SREK1: variants seen among roughly 807,000 people sequenced by gnomAD.
SREK1 encodes the protein splicing regulatory glutamine/lysine-rich protein 1.
In SREK1, 13 loss-of-function variants were observed where a neutral mutation model predicts 66.5. That is an observed-to-expected ratio of 0.20 (90% CI 0.13 to 0.31). SREK1 has a LOEUF of 0.31. SREK1 is among the 10% of genes least tolerant of loss of function. The pLI, the probability that SREK1 is intolerant of heterozygous loss-of-function variation, is 1.00. For synonymous variants in SREK1, 265 were observed against 263.5 expected, an observed-to-expected ratio of 1.01 and a Z score of -0.05; for missense variants, 607 against 769.6, an observed-to-expected ratio of 0.79 and a Z score of 2.50.
chr5:66,166,275 T>C (rs1291519463), intron 7 of SREK1: 1 of 152,216 alleles, frequency 6.6e-6, no homozygotes, highest in Non-Finnish European at 1.5e-5. Flanking sequence ...TGAGGAAGAC[T>C]GATGACCTGG....
At chr5:66,165,471 AG>A (rs1409127821) in intron 7 of SREK1, 1 of 152,518 alleles carries the variant, frequency 6.6e-6, no homozygotes, top group Admixed American at 6.5e-5. Flanking sequence ...CTTCAGTTTT[AG>A]TACTTTGCTT....
chr5:66,175,493 A>G (rs1278997198), intron 10 of SREK1, among the ~76,000 whole-genome samples: 1 of 152,126 alleles, frequency 6.6e-6, no homozygotes, highest in African/African-American at 2.4e-5. Flanking sequence ...ACTAGGCTAC[A>G]GTAGAAGGGG....
At chr5:66,145,978 G>C (rs1389571468) in intron 1 of SREK1, among the ~76,000 whole-genome samples, 1 of 151,322 alleles carries the variant, frequency 6.6e-6, no homozygotes. Context: ...TATAGATGAG[G>C]TATATAGAGA....
chr5:66,146,829 A>G (rs1743276375), intron 1 of SREK1, among the ~76,000 whole-genome samples: 1 of 152,334 alleles, frequency 6.6e-6, no homozygotes, highest in East Asian at 1.9e-4. Context: ...AGAAATTTAA[A>G]TTGTTTTAAA....
At chr5:66,176,978 A>G (rs369381576) in intron 10 of SREK1, among the ~76,000 whole-genome samples, 7 of 152,178 alleles carry the variant, frequency 4.6e-5, no homozygotes, top group East Asian at 3.9e-4. Context: ...GATGCAGGCC[A>G]TGTTTGTATT....
At chr5:66,170,514 A>G in intron 8 of SREK1, 71 bp from the exon 9 acceptor site, 2 of 1,504,662 alleles carry the variant, frequency 1.3e-6, no homozygotes, top group Non-Finnish European at 1.8e-6. Context: ...GTAATTGTTG[A>G]AGAGAGAGAG....
intron 10 of SREK1, among the ~76,000 whole-genome samples, chr5:66,176,258 G>A (rs1171195684): frequency 6.6e-6 from 1 of 152,050 alleles, no homozygotes; most frequent in African/African-American, 2.4e-5. Context: ...CTATTTCTGG[G>A]TCTTCTGTGC....
chr5:66,170,880 A>G lies in SREK1; in HGVS notation c.1417A>G (p.Lys473Glu). The G allele has an allele frequency of 6.2e-7, 1 of 1,613,690 alleles. No individual in the cohort carries two copies. The highest frequency in any genetic ancestry group is 1.7e-5 in the Admixed American group (1 of 59,948). Reference sequence around the variant, plus strand: ...CAAAGAGATAGATGAAAAAAGAAAGAAGGATAAAAAATCCAGAACACCACC... The same window carrying G: ...CAAAGAGATAGATGAAAAAAGAAAGGAGGATAAAAAATCCAGAACACCACC... ...RSKEIDEKRK[K>E]DKKSRTPPRS... is the part of the protein sequence containing the mutation. The change falls in exon 9 of 12, where the codon AAG becomes GAG. Residue 473 changes from lysine to glutamate, a missense_variant. Around this residue, in one of 5 missense-constraint regions of SREK1, gnomAD observed 318 missense variants for 310.3 expected, o/e 1.02. Transcript: ENST00000334121.
At chr5:66,155,944 A>G (rs1744252859) in intron 2 of SREK1, 3 of 1,405,136 alleles carry the variant, frequency 2.1e-6, no homozygotes, top group South Asian at 1.3e-5. Context: ...ACGGTCAAAC[A>G]TAACAAGGGT....
At chr5:66,146,005 T>C (rs1580607579) in intron 1 of SREK1, among the ~76,000 whole-genome samples, 1 of 151,902 alleles carries the variant, frequency 6.6e-6, no homozygotes, top group Non-Finnish European at 1.5e-5. Flanking sequence ...TATATATATA[T>C]CTTTATATTC....
chr5:66,159,949 T>C (rs11744060), intron 3 of SREK1, among the ~76,000 whole-genome samples: 3 of 152,076 alleles, frequency 2.0e-5, no homozygotes, highest in Non-Finnish European at 4.4e-5. Context: ...GCTAACACAG[T>C]GAAACCCCGT....
intron 2 of SREK1, 24 bp downstream of exon 2, chr5:66,153,620 C>CTCT: frequency 6.2e-7 from 1 of 1,613,582 alleles, no homozygotes; most frequent in Non-Finnish European, 8.5e-7. Flanking sequence ...TTTTTTTCCT[C>CTCT]TTATTTGAAT....
At chr5:66,146,742 A>G (rs535914791) in intron 1 of SREK1, among the ~76,000 whole-genome samples, 1 of 152,352 alleles carries the variant, frequency 6.6e-6, no homozygotes, top group African/African-American at 2.4e-5. Flanking sequence ...TACAAAATGC[A>G]ATAGTAGTAG....
At chr5:66,146,850 T>C (rs1049920642) in intron 1 of SREK1, among the ~76,000 whole-genome samples, 3 of 152,214 alleles carry the variant, frequency 2.0e-5, no homozygotes, top group Non-Finnish European at 2.9e-5. Context: ...ATTGGAAATA[T>C]ATTTATTTTC....
At chr5:66,164,608 G>A (rs1278433866) in intron 6 of SREK1, 175 bp from the exon 7 acceptor site, 1 of 1,531,622 alleles carries the variant, frequency 6.5e-7, no homozygotes, top group Admixed American at 2.0e-5. Context: ...ACTGCTGCAG[G>A]GTGGCTGCAC....
At position 66,181,344 on chromosome 5, in the gene SREK1, C is replaced by T. The variant is rs187829356; in HGVS notation, c.*2476C>T. 1,349 of 152,242 alleles carry T rather than the reference C, an allele frequency of 8.9e-3. 18 individuals are homozygous for T. Among genetic ancestry groups the T allele is most frequent in the African/African-American group, 0.027 (1,141 of 41,546 alleles). The allele number at this position is 152,242 out of a possible 1,614,324, so 9.4% of individuals were successfully genotyped here. ...CACGTGTGTATCTGTTTGAGACATA[C>T]TTTCTCTGTTCACTTAAAAGAGCTC... On this transcript the variant is annotated 3_prime_UTR_variant, in exon 12 of 12. Transcript: ENST00000334121.
intron 10 of SREK1, among the ~76,000 whole-genome samples, chr5:66,175,397 T>G (rs573502475): frequency 6.6e-6 from 1 of 152,192 alleles, no homozygotes; most frequent in South Asian, 2.1e-4. Context: ...TTTTTGTCAC[T>G]TAACTTACCA....
rs1320129331 is a variant in SREK1 at position 66,152,645 on chromosome 5, A to T, written c.162-818A>T. On this transcript the variant is annotated intron_variant, in intron 1 of 11. Coordinates refer to ENST00000334121, the MANE Select transcript of SREK1 (RefSeq NM_001077199.3). The stretch of plus-strand genomic sequence containing the variant: ...TCTTAAATGTTTCAAATAGATTTTA[A>T]TATAAAATCTATGTTACAGATTACG... Among the ~76,000 whole-genome samples the T allele has an allele frequency of 3.3e-5, 5 of 152,206 alleles. No individual in the cohort carries two copies. In the East Asian group the frequency reaches 9.6e-4, roughly 29 times the overall value.
intron 1 of SREK1, 106 bp downstream of exon 1, chr5:66,144,643 G>GA (rs1247506900): frequency 2.8e-6 from 4 of 1,433,800 alleles, no homozygotes; most frequent in Non-Finnish European, 3.7e-6. Flanking sequence ...CATGTCACGT[G>GA]ATCGCGCCGG....
Sources: gnomAD v4.1 joint callset for allele counts (sites outside exome capture counted in the v4.1 genomes callset) on GRCh38, gnomAD v4.1.1 for gene constraint, gnomAD v4.1.1 regional missense constraint, MANE v1.5 for transcripts, NCBI Gene and HGNC (gene_info 2026-07-23, HGNC 2026-07-21) for gene names.